ASIC2: variants seen among roughly 807,000 people sequenced by gnomAD.
ASIC2 encodes the protein acid sensing ion channel subunit 2.
Under a neutral mutation model 57.3 loss-of-function variants are expected in ASIC2, and 25 were observed. That is an observed-to-expected ratio of 0.44 (90% confidence interval 0.32 to 0.61). ASIC2 has a LOEUF of 0.61. Among genes scored for constraint, ASIC2 ranks in the 20% least tolerant of loss-of-function variants. The pLI is 0.06. For missense variants in ASIC2, 641 were observed against 738.1 expected, an observed-to-expected ratio of 0.87 and a Z score of 1.52; for synonymous variants, 319 against 307.5, an observed-to-expected ratio of 1.04 and a Z score of -0.39.
chr17:33,897,898 T>C (rs1442649782), intron 1 of ASIC2, among the ~76,000 whole-genome samples: 1 of 152,194 alleles, frequency 6.6e-6, no homozygotes, highest in Non-Finnish European at 1.5e-5. Context: ...ACACCAGAGA[T>C]GCCATGGCAG....
At chr17:33,171,743 G>A (rs1905528959) in intron 1 of ASIC2, among the ~76,000 whole-genome samples, 1 of 152,170 alleles carries the variant, frequency 6.6e-6, no homozygotes, top group South Asian at 2.1e-4. Flanking sequence ...TCATAACCCT[G>A]CAACATGGCC....
chr17:33,218,869 C>CG (rs765021599), intron 1 of ASIC2, among the ~76,000 whole-genome samples: 17 of 151,956 alleles, frequency 1.1e-4, no homozygotes, highest in Admixed American at 2.6e-4. Flanking sequence ...GATAACAGGG[C>CG]GGGGGGGCTA....
At chr17:33,256,924 G>A (rs1224066819) in intron 1 of ASIC2, among the ~76,000 whole-genome samples, 2 of 152,092 alleles carry the variant, frequency 1.3e-5, no homozygotes, top group African/African-American at 2.4e-5. Flanking sequence ...CACTGGGTTC[G>A]CTGGGAGGTG....
intron 1 of ASIC2, among the ~76,000 whole-genome samples, chr17:33,201,277 A>C (rs532255718): frequency 1.3e-5 from 2 of 152,272 alleles, no homozygotes; most frequent in South Asian, 4.1e-4. Context: ...TGGTCCATTA[A>C]ACACTAGTTT....
At position 34,156,280 on chromosome 17, in the gene ASIC2, C is replaced by A; in HGVS notation, c.253G>T (p.Val85Phe). 6.2e-7 allele frequency: 1 copy of A among 1,614,166 alleles called. No homozygotes were observed. The highest frequency in any genetic ancestry group is 8.5e-7 in the Non-Finnish European group (1 of 1,180,046). The change falls in exon 1 of 10, where the codon GTC (valine) becomes TTC (phenylalanine). Residue 85 changes from valine (V) to phenylalanine (F), a missense_variant. Transcript: ENST00000359872. The surrounding 1 kb of genome is among the most constrained non-coding windows in gnomAD (Gnocchi z 4.4). ...TTACAGAGGGTCACAGCTGGGAAGA[C>A]CAGGCTTTGAGCCACCACTTCGTCC...
At chr17:33,058,615 CTG>C (rs1346330124) in intron 3 of ASIC2, among the ~76,000 whole-genome samples, 1 of 151,978 alleles carries the variant, frequency 6.6e-6, no homozygotes. Context: ...TTGTCTATGA[CTG>C]TCAGCTGTCC....
At chr17:33,244,227 G>C (rs1212931741) in intron 1 of ASIC2, among the ~76,000 whole-genome samples, 2 of 152,220 alleles carry the variant, frequency 1.3e-5, no homozygotes, top group Non-Finnish European at 2.9e-5. Context: ...GTCCCCATCT[G>C]AAACACTTTG....
rs555665060 is a variant in ASIC2, at chr17:33,447,170, C to T, written c.556-335103G>A. ...TCCTGGTACATGAGTGCCCGGGATCCGGGAAATGTTGATTACATGTAGTTG... is the reference window on the plus strand; with the variant it reads ...TCCTGGTACATGAGTGCCCGGGATCTGGGAAATGTTGATTACATGTAGTTG... On this transcript the variant is annotated intron_variant, in intron 1 of 9. Transcript: ENST00000359872. Among the ~76,000 whole-genome samples the T allele has an allele frequency of 9.9e-5, 15 of 152,218 alleles. No individual in the cohort carries two copies. The South Asian group carries it at 1.7e-3, about 17-fold the overall frequency.
At chr17:33,440,359 T>C (rs1911781806) in intron 1 of ASIC2, among the ~76,000 whole-genome samples, 1 of 152,262 alleles carries the variant, frequency 6.6e-6, no homozygotes, top group African/African-American at 2.4e-5. Flanking sequence ...CACCATGTTT[T>C]GTTTATTAAA....
intron 1 of ASIC2, among the ~76,000 whole-genome samples, chr17:33,364,706 A>G (rs1463216412): frequency 6.6e-6 from 1 of 152,192 alleles, no homozygotes; most frequent in Non-Finnish European, 1.5e-5. Context: ...CTGTGGAACC[A>G]TGAGCTGATT....
At chr17:33,135,992 C>T (rs903712115) in intron 1 of ASIC2, among the ~76,000 whole-genome samples, 7 of 152,108 alleles carry the variant, frequency 4.6e-5, no homozygotes, top group African/African-American at 1.7e-4. Flanking sequence ...AGACGGGTAG[C>T]AAAGTAATGG....
chr17:33,443,878 C>G (rs558395481), intron 1 of ASIC2, among the ~76,000 whole-genome samples: 1 of 152,104 alleles, frequency 6.6e-6, no homozygotes, highest in Non-Finnish European at 1.5e-5. Context: ...CTGCTTATAT[C>G]TCTGCTCAGT....
chr17:33,358,865 G>T (rs894498550), intron 1 of ASIC2, among the ~76,000 whole-genome samples: 1 of 152,200 alleles, frequency 6.6e-6, no homozygotes, highest in Non-Finnish European at 1.5e-5. Context: ...ACCAGTAGAA[G>T]AGGTAAAAAT....
intron 1 of ASIC2, chr17:34,036,714 G>C (rs1394424258): frequency 2.0e-5 from 2 of 98,840 alleles, no homozygotes; most frequent in Non-Finnish European, 3.9e-5. Flanking sequence ...TGCATGGACA[G>C]ATGAACCTTT....
intron 1 of ASIC2, among the ~76,000 whole-genome samples, chr17:33,479,953 T>C (rs1056798284): frequency 6.6e-6 from 1 of 152,118 alleles, no homozygotes; most frequent in African/African-American, 2.4e-5. Flanking sequence ...ATAATAGGGG[T>C]GATCCCCTGA....
intron 1 of ASIC2, among the ~76,000 whole-genome samples, chr17:33,964,354 G>A (rs1905016033): frequency 6.6e-6 from 1 of 152,202 alleles, no homozygotes; most frequent in Non-Finnish European, 1.5e-5. Context: ...TTAGATAGTT[G>A]GTGAATGGTG....
Position 33,183,203 on chromosome 17 carries a change from G to A in ASIC2, c.709-71136C>T, listed in dbSNP as rs147343061. Among the ~76,000 whole-genome samples, 13 of 152,316 alleles carry A rather than the reference G, an allele frequency of 8.5e-5. No individual in the cohort carries two copies. The East Asian group carries it at 2.3e-3, about 27-fold the overall frequency. ...AAGTTCTAAAAGTATTGGTCTCACA[G>A]AAACTAACCTTTATTTTTGCCAAAA... On this transcript the variant is annotated intron_variant, in intron 1 of 9. Transcript: ENST00000225823.
chr17:33,195,127 T>C (rs1026938351), intron 1 of ASIC2, among the ~76,000 whole-genome samples: 2 of 152,124 alleles, frequency 1.3e-5, no homozygotes, highest in African/African-American at 4.8e-5. Context: ...ATATTATTTA[T>C]TAAAATGGAA....
chr17:33,983,826 A>C (rs1905713489), intron 1 of ASIC2, among the ~76,000 whole-genome samples: 1 of 152,160 alleles, frequency 6.6e-6, no homozygotes, highest in Admixed American at 6.5e-5. Flanking sequence ...TGCTACTGGC[A>C]TCCAATGGGT....
Sources: gnomAD v4.1 joint callset for allele counts (sites outside exome capture counted in the v4.1 genomes callset) on GRCh38, gnomAD v4.1.1 for gene constraint, Gnocchi (gnomAD v3.1) non-coding constraint, MANE v1.5 for transcripts, NCBI Gene and HGNC (gene_info 2026-07-23, HGNC 2026-07-21) for gene names.